The following PRKAA1 variants were observed in gnomAD, a reference collection of about 807,000 sequenced individuals.
PRKAA1 encodes the protein 5'-AMP-activated protein kinase catalytic subunit alpha-1.
Under a neutral mutation model 56.9 loss-of-function variants are expected in PRKAA1, and 23 were observed. That is an observed-to-expected ratio of 0.40 (90% confidence interval 0.29 to 0.57). PRKAA1 has a LOEUF of 0.57. Among genes scored for constraint, PRKAA1 ranks in the 20% least tolerant of loss-of-function variants. PRKAA1 has a pLI of 0.39. For missense variants in PRKAA1, 413 were observed against 679.7 expected (o/e 0.61, Z 4.36); for synonymous variants, 226 against 227.0 (o/e 1.00, Z 0.04).
At chr5:40,789,958 C>T (rs879737819) in intron 1 of PRKAA1, 4 of 152,048 alleles carry the variant, frequency 2.6e-5, no homozygotes, top group Admixed American at 1.3e-4. Flanking sequence ...GTAGGAATGG[C>T]CTTCATTGGT....
intron 1 of PRKAA1, among the ~76,000 whole-genome samples, chr5:40,781,551 A>G (rs1343692041): frequency 6.6e-6 from 1 of 152,200 alleles, no homozygotes; most frequent in Non-Finnish European, 1.5e-5. Flanking sequence ...AGAATCCAAG[A>G]TAGTTATTTC....
intron 3 of PRKAA1, 39 bp downstream of exon 3, chr5:40,775,371 G>T: frequency 6.7e-7 from 1 of 1,492,396 alleles, no homozygotes; most frequent in Non-Finnish European, 9.3e-7. Context: ...ATAAAGGGGA[G>T]TTACAAAATA....
intron 1 of PRKAA1, among the ~76,000 whole-genome samples, chr5:40,781,959 G>A (rs1561181506): frequency 6.6e-6 from 1 of 152,164 alleles, no homozygotes. Context: ...GTTAAAGCTT[G>A]CTTCAGGAAG....
chr5:40,787,156 G>T (rs1744525567), intron 1 of PRKAA1, among the ~76,000 whole-genome samples: 1 of 151,818 alleles, frequency 6.6e-6, no homozygotes, highest in Non-Finnish European at 1.5e-5. Context: ...AAGGTTAAAA[G>T]ATAAAACTAT....
rs1473107441 is a variant in PRKAA1, at chr5:40,768,113, G to A, written c.597-423C>T. 2.6e-5 allele frequency among the ~76,000 whole-genome samples: 4 copies of A among 152,290 alleles called. No homozygotes were observed. In the East Asian group the frequency reaches 7.7e-4, roughly 29 times the overall value. The stretch of plus-strand genomic sequence containing the variant: ...TTACACCAAGGTGAAAGGATCCTGA[G>A]GCTGTGAAAGAAAGCCAGGCAAATT... On this transcript the variant is annotated intron_variant, in intron 5 of 8. Transcript: ENST00000397128.
intron 1 of PRKAA1, among the ~76,000 whole-genome samples, chr5:40,784,545 G>A (rs781410928): frequency 5.3e-5 from 8 of 152,126 alleles, no homozygotes; most frequent in Non-Finnish European, 7.4e-5. Flanking sequence ...TTTGGTCACA[G>A]AAGAACACAG....
chr5:40,763,141 T>C (rs1743270344), intron 8 of PRKAA1, 119 bp from the exon 9 acceptor site: 1 of 912,300 alleles, frequency 1.1e-6, no homozygotes, highest in South Asian at 1.6e-5. Flanking sequence ...AGCACGCTTA[T>C]TCTAAATACC....
chr5:40,762,752 CA>C lies in PRKAA1; in HGVS notation c.*25del, dbSNP rs762251206. 1.2e-6 allele frequency: 2 copies of C among 1,609,822 alleles called. No homozygotes were observed. The highest frequency in any genetic ancestry group is 1.7e-6 in the Non-Finnish European group (2 of 1,177,196). The stretch of plus-strand genomic sequence containing the variant: ...GACTTATTATGCATGCTTATTGCTG[CA>C]AAAGAAATAAGCAAAGTTTTCTGTT... On this transcript the variant is annotated 3_prime_UTR_variant, in exon 9 of 9. Coordinates refer to ENST00000397128, the MANE Select transcript of PRKAA1 (RefSeq NM_006251.6).
intron 1 of PRKAA1, among the ~76,000 whole-genome samples, chr5:40,785,709 T>C (rs10053664): frequency 0.36 from 54,816 of 151,900 alleles, 10,705 homozygotes; most frequent in Admixed American, 0.46. Flanking sequence ...TGTTATCTTA[T>C]TTGGAAATAG....
intron 1 of PRKAA1, among the ~76,000 whole-genome samples, chr5:40,788,929 G>A (rs143016813): frequency 7.9e-5 from 12 of 152,174 alleles, no homozygotes; most frequent in African/African-American, 2.4e-4. Flanking sequence ...GCTAATATCC[G>A]GCCAGGCATG....
intron 3 of PRKAA1, chr5:40,774,960 G>T (rs773901439): frequency 1.2e-6 from 2 of 1,604,636 alleles, no homozygotes; most frequent in Non-Finnish European, 1.7e-6. Context: ...ACTACTCCAG[G>T]TACATCAGAT....
intron 3 of PRKAA1, chr5:40,775,100 T>C: frequency 1.3e-6 from 1 of 781,098 alleles, no homozygotes; most frequent in Non-Finnish European, 2.0e-6. Context: ...AGTATTTGTA[T>C]ACCCTGGAAG....
intron 4 of PRKAA1, 145 bp from the exon 5 acceptor site, chr5:40,769,648 C>A: frequency 1.6e-6 from 1 of 641,552 alleles, no homozygotes. Flanking sequence ...TCTATTGTAG[C>A]CAAATATTCT....
chr5:40,795,000 CATAT>C (rs370851915), intron 1 of PRKAA1, among the ~76,000 whole-genome samples: 19 of 89,008 alleles, frequency 2.1e-4, no homozygotes, highest in South Asian at 1.2e-3. Flanking sequence ...GTGGTGTATA[CATAT>C]ATATACACAC....
chr5:40,773,174 T>C (rs1743829253), intron 3 of PRKAA1, among the ~76,000 whole-genome samples: 1 of 152,174 alleles, frequency 6.6e-6, no homozygotes. Context: ...TACAAATCAG[T>C]AATTTATTTT....
chr5:40,771,289 T>G (rs1743733650), intron 4 of PRKAA1, among the ~76,000 whole-genome samples: 1 of 152,190 alleles, frequency 6.6e-6, no homozygotes, highest in Non-Finnish European at 1.5e-5. Flanking sequence ...GAAGATCACT[T>G]GAGGCCAGGA....
intron 1 of PRKAA1, among the ~76,000 whole-genome samples, chr5:40,780,736 G>A (rs1029919880): frequency 3.3e-5 from 5 of 152,164 alleles, no homozygotes. Flanking sequence ...AGAAAAGTCC[G>A]TTCCAGCTCT....
At chr5:40,797,019 T>G (rs780353100) in intron 1 of PRKAA1, among the ~76,000 whole-genome samples, 7 of 152,078 alleles carry the variant, frequency 4.6e-5, no homozygotes, top group Non-Finnish European at 8.8e-5. Flanking sequence ...CAATTAAACG[T>G]TTTTTTGCCA....
chr5:40,764,340 C>T, intron 8 of PRKAA1, 174 bp downstream of exon 8: 2 of 615,676 alleles, frequency 3.2e-6, no homozygotes, highest in South Asian at 5.7e-5. Flanking sequence ...TATAAGATTA[C>T]AAGAAAAATA....
Sources: allele counts gnomAD v4.1 joint callset (sites outside exome capture counted in the v4.1 genomes callset), GRCh38; gene constraint gnomAD v4.1.1; transcripts MANE v1.5; gene names NCBI Gene and HGNC (gene_info 2026-07-23, HGNC 2026-07-21).